RTKN: variants seen among roughly 807,000 people sequenced by gnomAD.
RTKN encodes the protein rhotekin.
A neutral mutation model predicts 63.5 loss-of-function variants in RTKN; 49 were observed. The ratio of observed to expected loss-of-function variants is 0.77; its 90% confidence interval spans 0.61 to 0.98. The LOEUF is 0.98. RTKN is among the 50% of genes least tolerant of loss of function. The probability of loss-of-function intolerance (pLI) is 0.00; values close to 1 mark genes in which losing one functional copy is unlikely to be tolerated. For missense variants in RTKN, 685 were observed against 740.8 expected (o/e 0.92, Z 0.87); for synonymous variants, 295 against 290.4 (o/e 1.02, Z -0.16).
chr2:74,437,341 G>A (rs1671117358), intron 1 of RTKN, among the ~76,000 whole-genome samples: 1 of 152,110 alleles, frequency 6.6e-6, no homozygotes, highest in African/African-American at 2.4e-5. Context: ...ACTCTTCCAC[G>A]ACTATCTCTT....
rs1190596837 is a variant in RTKN, at chr2:74,437,065, C to G, written c.112-4399G>C. Among the ~76,000 whole-genome samples, 3 of 152,220 alleles carry G rather than the reference C, an allele frequency of 2.0e-5. No individual in the cohort carries two copies. The East Asian group carries it at 5.8e-4, about 29-fold the overall frequency. On this transcript the variant is annotated intron_variant, in intron 1 of 11. Coordinates refer to ENST00000272430, the MANE Select transcript of RTKN (RefSeq NM_001015055.2). The stretch of plus-strand genomic sequence containing the variant: ...TCCCACTCTCTTAAGTCTCTGACTT[C>G]CTGCTCTGCTTCTCACTACCCTTTT...
At position 74,427,177 on chromosome 2, in the gene RTKN, T is replaced by G. The variant is rs745434630; in HGVS notation, c.1352A>C (p.His451Pro). The G allele has an allele frequency of 6.2e-7, 1 of 1,613,774 alleles. No individual in the cohort carries two copies. ...QALAKQGSLY[H>P]EMAIEPLDDI... ...ACATTCCTCTCACTTACCCATCTCA[T>G]GGTACAAGGACCCCTGCTTTGCCAG... The change falls in exon 11 of 12, where the codon CAT (histidine) becomes CCT (proline). Residue 451 changes from histidine to proline, a missense_variant. By Grantham distance (77) the His-to-Pro change is moderately conservative (BLOSUM62 -2). Coordinates refer to ENST00000272430, the MANE Select transcript of RTKN (RefSeq NM_001015055.2).
chr2:74,439,406 A>G (rs777550785), intron 1 of RTKN: 36 of 843,964 alleles, frequency 4.3e-5, no homozygotes, highest in Admixed American at 3.9e-4. Context: ...TGCACCCAAC[A>G]CAAGGCATAG....
chr2:74,429,728 C>A, intron 6 of RTKN, 100 bp downstream of exon 6: 4 of 1,125,674 alleles, frequency 3.6e-6, no homozygotes, highest in Non-Finnish European at 1.3e-6. Flanking sequence ...CACATCCTGG[C>A]AGCAATGCAA....
At chr2:74,431,256 C>A (rs1293088069) in intron 2 of RTKN, among the ~76,000 whole-genome samples, 2 of 152,038 alleles carry the variant, frequency 1.3e-5, no homozygotes, top group Admixed American at 1.3e-4. Context: ...ACTTTGATTT[C>A]TCCTTTTTCC....
chr2:74,427,964 T>G, intron 9 of RTKN: 1 of 501,250 alleles, frequency 2.0e-6, no homozygotes, highest in South Asian at 2.6e-5. Flanking sequence ...TGGGAAGTGG[T>G]AAAGTAGATA....
chr2:74,428,476 C>T (rs573249215), intron 8 of RTKN, 80 bp from the exon 9 acceptor site: 66 of 1,608,706 alleles, frequency 4.1e-5, no homozygotes, highest in South Asian at 6.6e-5. Flanking sequence ...AGAACCTGTT[C>T]GTTTTGTCCA....
Position 74,426,058 on chromosome 2 carries a change from C to A in RTKN, c.*185G>T. 1.5e-6 allele frequency: 1 copy of A among 685,076 alleles called. No homozygotes were observed. The highest frequency in any genetic ancestry group is 1.8e-5 in the South Asian group (1 of 55,664). 42.4% of individuals were successfully genotyped at this position (685,076 alleles called of 1,614,324 possible). A position where few individuals can be genotyped will look rare whatever the true frequency, so the allele number is the denominator to read the frequency against. On this transcript the variant is annotated 3_prime_UTR_variant, in exon 12 of 12. Transcript: ENST00000272430. ...TCCCAGCGAGCCCCAGGAATGAGTC[C>A]CTCGGTACCATGGCAACCACAATTT... is the stretch of plus-strand genomic sequence containing the variant.
rs554638648 is a variant in RTKN at position 74,426,276 on chromosome 2, G to A, written c.1659C>T (p.Gly553=). The change falls in exon 12 of 12, where the codon GGC becomes GGT. Residue 553 remains glycine (G), a synonymous_variant. Coordinates refer to ENST00000272430, the MANE Select transcript of RTKN (RefSeq NM_001015055.2). ...SPRTRGLCSK[G]QPRTWLQSPV ...GTGACTGGAGCCAAGTGCGAGGTTG[G>A]CCTTTGCTGCAGAGGCCTCTGGTCC... 6.2e-7 allele frequency: 1 copy of A among 1,614,108 alleles called. No homozygotes were observed. The highest frequency in any genetic ancestry group is 2.2e-5 in the East Asian group (1 of 44,874).
intron 9 of RTKN, 39 bp from the exon 10 acceptor site, chr2:74,427,631 T>C (rs1205749816): frequency 1.3e-6 from 2 of 1,593,158 alleles, no homozygotes; most frequent in East Asian, 2.2e-5. Context: ...GTCACAGAAG[T>C]TGGCAGTGAC....
chr2:74,427,038 G>A, intron 11 of RTKN, 131 bp downstream of exon 11: 3 of 1,457,032 alleles, frequency 2.1e-6, no homozygotes, highest in Middle Eastern at 2.5e-4. Flanking sequence ...AAGATTGGGT[G>A]AGACTTGGGT....
In RTKN at chr2:74,441,696, A is replaced by T; in HGVS notation, c.111+10T>A. 6.3e-7 allele frequency: 1 copy of T among 1,599,276 alleles called. No homozygotes were observed. The highest frequency in any genetic ancestry group is 8.5e-7 in the Non-Finnish European group (1 of 1,171,422). ...CGCGGAAGGGGAAGGCAGGGACGCG[A>T]GTCTCTCACCTCGGGCAGGTCGCTG... On this transcript the variant is annotated intron_variant, in intron 1 of 11. Coordinates refer to ENST00000272430, the MANE Select transcript of RTKN (RefSeq NM_001015055.2).
At chr2:74,433,242 CAA>C (rs58833737) in intron 1 of RTKN, among the ~76,000 whole-genome samples, 1 of 68,132 alleles carries the variant, frequency 1.5e-5, no homozygotes. Flanking sequence ...GACTCTGGCT[CAA>C]AAAAAAAAAA....
Position 74,426,111 on chromosome 2 carries a change from C to T in RTKN, c.*132G>A, listed in dbSNP as rs1040115234. On this transcript the variant is annotated 3_prime_UTR_variant, in exon 12 of 12. Coordinates refer to ENST00000272430, the MANE Select transcript of RTKN (RefSeq NM_001015055.2). Reference sequence around the variant, plus strand: ...GAGGGGCTTCTGCCCACCCCTGCAGCCTACCCCAGGTCCAGCAGAGGAACA... The same window carrying T: ...GAGGGGCTTCTGCCCACCCCTGCAGTCTACCCCAGGTCCAGCAGAGGAACA... 1 of 831,928 alleles carries T rather than the reference C, an allele frequency of 1.2e-6. No homozygotes were observed. The highest frequency in any genetic ancestry group is 2.2e-5 in the Admixed American group (1 of 45,276). The allele number at this position is 831,928 out of a possible 1,614,324, so 51.5% of individuals were successfully genotyped here.
In RTKN at chr2:74,426,286, C is replaced by T. The variant is rs142842251; in HGVS notation, c.1649G>A (p.Cys550Tyr). ...CCAAGTGCGAGGTTGGCCTTTGCTG[C>T]AGAGGCCTCTGGTCCGTGGGGATCG... ...PQRSPRTRGL[C>Y]SKGQPRTWLQ... is the part of the protein sequence containing the mutation. Residue 550 changes from cysteine to tyrosine, a missense_variant, in exon 12 of 12, where the codon TGC becomes TAC. Coordinates refer to ENST00000272430, the MANE Select transcript of RTKN (RefSeq NM_001015055.2). The T allele has an allele frequency of 1.0e-4, 168 of 1,614,062 alleles. No homozygotes were observed. The African/African-American group carries it at 1.9e-3, about 19-fold the overall frequency.
chr2:74,432,810 C>T, intron 1 of RTKN, 144 bp from the exon 2 acceptor site: 1 of 650,432 alleles, frequency 1.5e-6, no homozygotes. Flanking sequence ...CATTGGGTCT[C>T]AATCTCAGCT....
In RTKN at chr2:74,436,911, G is replaced by A. The variant is rs1251433657; in HGVS notation, c.112-4245C>T. Among the ~76,000 whole-genome samples, 1 of 152,102 alleles carries A rather than the reference G, an allele frequency of 6.6e-6. No individual in the cohort carries two copies. Among genetic ancestry groups the A allele is most frequent in the Non-Finnish European group, 1.5e-5 (1 of 68,010 alleles). On this transcript the variant is annotated intron_variant, in intron 1 of 11. Coordinates refer to ENST00000272430, the MANE Select transcript of RTKN (RefSeq NM_001015055.2). This position sits in a 1 kb window ranked among gnomAD's most constrained non-coding sequence, Gnocchi z 4.3. ...CCCAAACACACCCTCTCCCCAAGCG[G>A]GCAGCATTTCCCCTGGGAAAGAGCG...
intron 9 of RTKN, chr2:74,427,818 A>G (rs891364507): frequency 2.7e-5 from 15 of 557,564 alleles, no homozygotes; most frequent in Non-Finnish European, 4.8e-5. Flanking sequence ...GGAAAAAGGG[A>G]TTGAGCAAGG....
At chr2:74,430,408 G>A (rs377608665) in intron 4 of RTKN, 39 bp from the exon 5 acceptor site, 7 of 1,613,102 alleles carry the variant, frequency 4.3e-6, no homozygotes, top group Non-Finnish European at 5.9e-6. Context: ...CGTCCCACGA[G>A]AGCCTCCTAC....
Sources: gnomAD v4.1 joint callset for allele counts (sites outside exome capture counted in the v4.1 genomes callset) on GRCh38, gnomAD v4.1.1 for gene constraint, Gnocchi (gnomAD v3.1) non-coding constraint, MANE v1.5 for transcripts, NCBI Gene and HGNC (gene_info 2026-07-23, HGNC 2026-07-21) for gene names.